Variants in GOLGB1 observed in about 807,000 individuals in gnomAD.
GOLGB1 encodes the protein golgin B1, also known as golgin subfamily B member 1.
Under a neutral mutation model 336.9 loss-of-function variants are expected in GOLGB1, and 174 were observed. The ratio of observed to expected loss-of-function variants is 0.52; its 90% CI spans 0.46 to 0.59. The LOEUF (loss-of-function observed/expected upper bound fraction) is 0.59, where lower values mean the gene tolerates loss of function less well. Among genes scored for constraint, GOLGB1 ranks in the 20% least tolerant of loss-of-function variants. GOLGB1 has a pLI of 0.00. For synonymous variants in GOLGB1, 1,208 were observed against 1,289.2 expected (o/e 0.94, Z 1.35); for missense variants, 3,331 against 3,645.3 (o/e 0.91, Z 2.22).
chr3:121,742,618 G>A (rs1381481569), intron 1 of GOLGB1, among the ~76,000 whole-genome samples: 2 of 152,088 alleles, frequency 1.3e-5, no homozygotes, highest in African/African-American at 2.4e-5. Flanking sequence ...ATAGACAAAT[G>A]GGATCTAATT....
intron 1 of GOLGB1, among the ~76,000 whole-genome samples, chr3:121,737,747 C>T (rs1946578714): frequency 6.6e-6 from 1 of 151,718 alleles, no homozygotes; most frequent in South Asian, 2.1e-4. Context: ...TTTTCTTCTA[C>T]TGGGGATAAT....
chr3:121,708,432 T>C (rs1322290878), intron 10 of GOLGB1, among the ~76,000 whole-genome samples: 1 of 151,842 alleles, frequency 6.6e-6, no homozygotes, highest in Middle Eastern at 3.2e-3. Flanking sequence ...AGGAGTTAGT[T>C]TGAGGCCAGC....
chr3:121,693,395 G>A (rs955347355), intron 13 of GOLGB1, among the ~76,000 whole-genome samples: 2 of 152,168 alleles, frequency 1.3e-5, no homozygotes, highest in Admixed American at 6.5e-5. Flanking sequence ...GGCTGAGGCA[G>A]GAGAATTGCT....
intron 9 of GOLGB1, among the ~76,000 whole-genome samples, chr3:121,715,508 C>T (rs1157475465): frequency 2.6e-5 from 4 of 151,052 alleles, no homozygotes; most frequent in Admixed American, 2.6e-4. Flanking sequence ...CGTGGGGAGG[C>T]CTAGCCCTAG....
In GOLGB1 at chr3:121,692,512, A is replaced by G. The variant is rs981969424; in HGVS notation, c.6852T>C (p.Cys2284=). The part of the protein sequence containing the change: ...QTEVQLQQKV[C]DTLQGENKEL... ...CTTTGTTTTCCCCCTGTAGAGTATC[A>G]CAGACCTTCTGCTGAAGCTGGACCT... The change falls in exon 14 of 22, where the codon TGT becomes TGC. Residue 2284 remains cysteine, a synonymous_variant. Coordinates refer to ENST00000614479, the MANE Select transcript of GOLGB1 (RefSeq NM_001366282.2). 2 of 1,612,382 alleles carry G rather than the reference A, an allele frequency of 1.2e-6. No homozygotes were observed. Among genetic ancestry groups the G allele is most frequent in the Non-Finnish European group, 1.7e-6 (2 of 1,179,608 alleles).
intron 14 of GOLGB1, among the ~76,000 whole-genome samples, chr3:121,683,557 T>C (rs1413096206): frequency 6.6e-6 from 1 of 152,096 alleles, no homozygotes; most frequent in Non-Finnish European, 1.5e-5. Flanking sequence ...CGTTGGTAAG[T>C]CCTACCCACA....
intron 17 of GOLGB1, among the ~76,000 whole-genome samples, chr3:121,673,072 G>A (rs1467388857): frequency 6.8e-6 from 1 of 146,744 alleles, no homozygotes; most frequent in Non-Finnish European, 1.5e-5. Context: ...TTTGTTTTTT[G>A]GTTTTTTTTT....
At chr3:121,686,147 C>A (rs758869876) in intron 14 of GOLGB1, among the ~76,000 whole-genome samples, 2 of 152,220 alleles carry the variant, frequency 1.3e-5, no homozygotes, top group Non-Finnish European at 2.9e-5. Context: ...CACAACTGCA[C>A]AGTGTTCTCT....
intron 17 of GOLGB1, among the ~76,000 whole-genome samples, chr3:121,673,665 G>A (rs1939888553): frequency 6.6e-6 from 1 of 151,656 alleles, no homozygotes; most frequent in Non-Finnish European, 1.5e-5. Flanking sequence ...TAAATTCTTT[G>A]TAGCTATTAT....
chr3:121,705,042 A>G (rs1306761926), intron 10 of GOLGB1, among the ~76,000 whole-genome samples: 1 of 152,196 alleles, frequency 6.6e-6, no homozygotes, highest in Non-Finnish European at 1.5e-5. Context: ...GTTAAGGTCA[A>G]TATTTTCCTC....
intron 1 of GOLGB1, among the ~76,000 whole-genome samples, chr3:121,733,492 T>C (rs56382357): frequency 0.34 from 51,513 of 151,888 alleles, 9,425 homozygotes; most frequent in Non-Finnish European, 0.42. Flanking sequence ...TAAATAAATG[T>C]AGAAATAAAA....
At chr3:121,730,847 C>A in intron 2 of GOLGB1, 29 bp downstream of exon 2, 1 of 1,591,294 alleles carries the variant, frequency 6.3e-7, no homozygotes, top group Non-Finnish European at 8.5e-7. Context: ...ATATGTCTTA[C>A]CAGTTTAAAT....
chr3:121,700,064 A>T (rs1421544344), intron 11 of GOLGB1, among the ~76,000 whole-genome samples, 179 bp from the exon 12 acceptor site: 2 of 152,138 alleles, frequency 1.3e-5, no homozygotes, highest in Non-Finnish European at 2.9e-5. Flanking sequence ...CATGAGATAT[A>T]AGATAGAACA....
At chr3:121,672,788 T>A (rs1253542615) in intron 17 of GOLGB1, among the ~76,000 whole-genome samples, 1 of 152,202 alleles carries the variant, frequency 6.6e-6, no homozygotes, top group Non-Finnish European at 1.5e-5. Context: ...CTTTAATCCA[T>A]TTTGATTTGA....
chr3:121,668,011 A>G (rs1382088726), intron 19 of GOLGB1, 50 bp downstream of exon 19: 2 of 946,734 alleles, frequency 2.1e-6, no homozygotes, highest in Admixed American at 2.4e-5. Context: ...TTACTGCCCA[A>G]TTTCTGGACT....
At chr3:121,674,754 G>A (rs559550183) in intron 17 of GOLGB1, among the ~76,000 whole-genome samples, 8 of 151,996 alleles carry the variant, frequency 5.3e-5, no homozygotes, top group Admixed American at 4.6e-4. Context: ...CTAGCATATA[G>A]CCAGGCTCAT....
At chr3:121,740,325 A>G (rs1385593152) in intron 1 of GOLGB1, among the ~76,000 whole-genome samples, 1 of 152,236 alleles carries the variant, frequency 6.6e-6, no homozygotes, top group East Asian at 1.9e-4. Flanking sequence ...AACAAAGTGT[A>G]TAAAAGAGCT....
chr3:121,718,448 G>A lies in GOLGB1; in HGVS notation c.825C>T (p.Gly275=). ...KLEEHEESLV[G]RAQVVDLLQQ... is the part of the protein sequence containing the mutation. ...GCAGCAAGTCAACGACCTGAGCACG[G>A]CCCACCAAGGATTCTTCGTGTTCCT... Residue 275 remains glycine, a synonymous_variant, in exon 8 of 22, where the codon GGC becomes GGT. Coordinates refer to ENST00000614479, the MANE Select transcript of GOLGB1 (RefSeq NM_001366282.2). The A allele has an allele frequency of 1.9e-6, 3 of 1,613,926 alleles. No individual in the cohort carries two copies. In the South Asian group the frequency reaches 3.3e-5, roughly 18 times the overall value.
intron 17 of GOLGB1, among the ~76,000 whole-genome samples, chr3:121,674,825 CTTTTTTTT>C (rs891603400): frequency 8.3e-6 from 1 of 121,026 alleles, no homozygotes; most frequent in African/African-American, 3.1e-5. Context: ...AGGTGCCTTT[CTTTTTTTT>C]TTTTTTTTTT....
Sources: allele counts gnomAD v4.1 joint callset (sites outside exome capture counted in the v4.1 genomes callset), GRCh38; gene constraint gnomAD v4.1.1; transcripts MANE v1.5; gene names NCBI Gene and HGNC (gene_info 2026-07-23, HGNC 2026-07-21).